RALYL: variants seen among roughly 807,000 people sequenced by gnomAD.
RALYL encodes RALY RNA binding protein like, also known as RNA-binding Raly-like protein.
RALYL carries 29 observed loss-of-function variants against 35.1 expected under a neutral mutation model. The ratio of observed to expected loss-of-function variants is 0.83; its 90% CI spans 0.61 to 1.13. RALYL has a LOEUF of 1.13. RALYL is among the 50% of genes most tolerant of loss of function. The pLI is 0.00. For missense variants in RALYL, 359 were observed against 360.4 expected (o/e 1.00, Z 0.03); for synonymous variants, 120 against 127.6 (o/e 0.94, Z 0.40).
chr8:84,522,940 A>G (rs917144551), intron 1 of RALYL, among the ~76,000 whole-genome samples: 4 of 152,218 alleles, frequency 2.6e-5, no homozygotes, highest in Admixed American at 1.3e-4. Context: ...TTCCATGGAT[A>G]CACAGTTCCA....
chr8:84,681,228 G>A lies in RALYL; in HGVS notation c.257-93351G>A, dbSNP rs548551612. 5.3e-5 allele frequency among the ~76,000 whole-genome samples: 8 copies of A among 152,284 alleles called. No homozygotes were observed. In the East Asian group the frequency reaches 1.4e-3, roughly 26 times the overall value. ...GGTCTATATCTCTGTTTTGGTACCA[G>A]TACCATGGTGTTTTGGTTCCCGTAG... On this transcript the variant is annotated intron_variant, in intron 2 of 8. Coordinates refer to ENST00000521268, the MANE Select transcript of RALYL (RefSeq NM_173848.7).
At chr8:84,511,226 A>C (rs569256048) in intron 1 of RALYL, among the ~76,000 whole-genome samples, 39 of 152,348 alleles carry the variant, frequency 2.6e-4, no homozygotes, top group African/African-American at 8.7e-4. Flanking sequence ...CTTAAAGTTT[A>C]GGCTTCTAGT....
chr8:84,852,445 G>GT (rs1836059329), intron 5 of RALYL, among the ~76,000 whole-genome samples: 1 of 152,084 alleles, frequency 6.6e-6, no homozygotes, highest in Admixed American at 6.6e-5. Context: ...TATCTAGACT[G>GT]TTTTTATACT....
chr8:84,591,396 G>A (rs560029297), intron 2 of RALYL, among the ~76,000 whole-genome samples: 21 of 152,270 alleles, frequency 1.4e-4, no homozygotes, highest in African/African-American at 1.9e-4. Flanking sequence ...TGTTTGGGTC[G>A]CTTCGCCTTG....
intron 1 of RALYL, among the ~76,000 whole-genome samples, chr8:84,247,372 T>C (rs1365490725): frequency 1.3e-5 from 2 of 152,114 alleles, no homozygotes; most frequent in African/African-American, 4.8e-5. Flanking sequence ...ATGTATTTCT[T>C]AAGAGGTACA....
chr8:84,249,894 C>T (rs545617475), intron 1 of RALYL, among the ~76,000 whole-genome samples: 1 of 150,344 alleles, frequency 6.7e-6, no homozygotes, highest in South Asian at 2.1e-4. Flanking sequence ...TTCCTATATG[C>T]ACATAACCAA....
chr8:84,848,427 G>A (rs868346756), intron 4 of RALYL, among the ~76,000 whole-genome samples: 1 of 128,214 alleles, frequency 7.8e-6, no homozygotes, highest in South Asian at 2.9e-4. Flanking sequence ...ATATATATAT[G>A]TGTGTGTGTG....
chr8:84,617,762 G>A (rs369242550), intron 2 of RALYL, among the ~76,000 whole-genome samples: 23 of 150,530 alleles, frequency 1.5e-4, no homozygotes, highest in East Asian at 1.2e-3. Context: ...TTTGAAATAC[G>A]TCCCATCAAT....
chr8:84,660,613 G>A (rs1410230406), intron 2 of RALYL, among the ~76,000 whole-genome samples: 2 of 151,346 alleles, frequency 1.3e-5, no homozygotes, highest in East Asian at 3.9e-4. Flanking sequence ...ATTATATTTA[G>A]ATATTCTTCA....
intron 1 of RALYL, among the ~76,000 whole-genome samples, chr8:84,423,495 C>T (rs2045940077): frequency 6.6e-6 from 1 of 152,100 alleles, no homozygotes; most frequent in African/African-American, 2.4e-5. Context: ...GATCTTGACT[C>T]TTTATCCAAT....
chr8:84,726,272 TTTTA>T (rs1844934401), intron 2 of RALYL, among the ~76,000 whole-genome samples: 2 of 146,850 alleles, frequency 1.4e-5, no homozygotes, highest in Admixed American at 6.9e-5. Flanking sequence ...TTTTTATATA[TTTTA>T]TTTATATATT....
At chr8:84,192,560 T>C (rs1054289392) in intron 1 of RALYL, among the ~76,000 whole-genome samples, 4 of 151,980 alleles carry the variant, frequency 2.6e-5, no homozygotes, top group Admixed American at 2.0e-4. Context: ...TTCTTTTTTT[T>C]TTTCTTTCTT....
intron 2 of RALYL, among the ~76,000 whole-genome samples, chr8:84,766,311 A>C (rs542105398): frequency 6.6e-6 from 1 of 152,052 alleles, no homozygotes; most frequent in Non-Finnish European, 1.5e-5. Context: ...TTGCAGTTTT[A>C]TCTGTTAAGT....
chr8:84,842,082 T>G (rs1833524864), intron 4 of RALYL, among the ~76,000 whole-genome samples: 2 of 151,906 alleles, frequency 1.3e-5, no homozygotes, highest in Admixed American at 1.3e-4. Flanking sequence ...GCAAACACAT[T>G]CAAAAGCTAG....
chr8:84,194,519 A>T (rs1814745448), intron 1 of RALYL, among the ~76,000 whole-genome samples: 2 of 152,206 alleles, frequency 1.3e-5, no homozygotes, highest in Non-Finnish European at 2.9e-5. Flanking sequence ...TTTGTAAGGA[A>T]GTCTCTTTTC....
intron 1 of RALYL, among the ~76,000 whole-genome samples, chr8:84,228,020 T>C (rs909219382): frequency 6.6e-6 from 1 of 151,962 alleles, no homozygotes; most frequent in African/African-American, 2.4e-5. Context: ...CATTACACAA[T>C]GAGATAAGTG....
At chr8:84,278,249 T>C (rs890574599) in intron 1 of RALYL, among the ~76,000 whole-genome samples, 3 of 152,358 alleles carry the variant, frequency 2.0e-5, no homozygotes, top group African/African-American at 7.2e-5. Context: ...CTCTGAGCAA[T>C]GGCCTGAGCT....
intron 1 of RALYL, among the ~76,000 whole-genome samples, chr8:84,262,542 G>A (rs1832509783): frequency 6.6e-6 from 1 of 152,114 alleles, no homozygotes; most frequent in Admixed American, 6.5e-5. Flanking sequence ...TATAATGAAT[G>A]ATAATACATT....
intron 2 of RALYL, among the ~76,000 whole-genome samples, chr8:84,739,363 A>G (rs1847875734): frequency 1.3e-5 from 2 of 151,930 alleles, no homozygotes; most frequent in South Asian, 2.1e-4. Flanking sequence ...ATCAAAAAAA[A>G]CTAGGAAAAA....
Sources: allele counts gnomAD v4.1 joint callset (sites outside exome capture counted in the v4.1 genomes callset), GRCh38; gene constraint gnomAD v4.1.1; transcripts MANE v1.5; gene names NCBI Gene and HGNC (gene_info 2026-07-23, HGNC 2026-07-21).